Variants in MMAA observed in about 807,000 individuals in gnomAD.
MMAA encodes metabolism of cobalamin associated A, also known as methylmalonic aciduria type A protein, mitochondrial.
A neutral mutation model predicts 45.0 loss-of-function variants in MMAA; 41 were observed. The observed-to-expected ratio is 0.91, with a 90% CI of 0.71 to 1.18. The LOEUF is 1.18. Among genes scored for constraint, MMAA ranks in the 50% most tolerant of loss-of-function variants. The pLI is 0.00. For missense variants in MMAA, 460 were observed against 495.7 expected (o/e 0.93, Z 0.68); for synonymous variants, 154 against 178.2 (o/e 0.86, Z 1.08).
intron 2 of MMAA, among the ~76,000 whole-genome samples, chr4:145,640,459 A>G (rs1727752388): frequency 6.6e-6 from 1 of 152,086 alleles, no homozygotes; most frequent in Non-Finnish European, 1.5e-5. Context: ...AGTGGTGATC[A>G]TAGCTCTGAC....
chr4:145,658,468 G>C lies in MMAA; in HGVS notation c.*3034G>C, dbSNP rs1251413683. 9.2e-5 allele frequency: 14 copies of C among 152,172 alleles called. No individual in the cohort carries two copies. The highest frequency in any genetic ancestry group is 2.9e-4 in the African/African-American group (12 of 41,524). The allele number at this position is 152,172 out of a possible 1,614,324, so 9.4% of individuals were successfully genotyped here. A position where few individuals can be genotyped will look rare whatever the true frequency, so the allele number is the denominator to read the frequency against. ...AATGTGCTGAGCTCCAAAACTGACA[G>C]ACATTTTGCTAAAACAATATCAAAT... On this transcript the variant is annotated 3_prime_UTR_variant, in exon 7 of 7. Transcript: ENST00000649156.
intron 5 of MMAA, among the ~76,000 whole-genome samples, chr4:145,652,594 G>A (rs1728124751): frequency 1.3e-5 from 2 of 152,020 alleles, no homozygotes; most frequent in African/African-American, 4.8e-5. Context: ...GCCGGGCATG[G>A]TGGCAGGCGC....
intron 1 of MMAA, chr4:145,625,084 A>G (rs1338673830): frequency 2.1e-6 from 2 of 974,778 alleles, no homozygotes; most frequent in Admixed American, 1.8e-5. Context: ...TCCCCAGCTT[A>G]TGGGATTCCT....
intron 4 of MMAA, among the ~76,000 whole-genome samples, chr4:145,650,055 C>T (rs1197769541): frequency 6.6e-6 from 1 of 152,196 alleles, no homozygotes; most frequent in Non-Finnish European, 1.5e-5. Context: ...CATAAATTAC[C>T]TTTTTCCAGA....
At chr4:145,634,549 C>T (rs1050977560) in intron 1 of MMAA, among the ~76,000 whole-genome samples, 3 of 151,942 alleles carry the variant, frequency 2.0e-5, no homozygotes, top group Non-Finnish European at 4.4e-5. Context: ...ATTTGTTTCT[C>T]TACCCCACTG....
chr4:145,654,732 A>T (rs1280918115), intron 6 of MMAA, among the ~76,000 whole-genome samples: 1 of 152,140 alleles, frequency 6.6e-6, no homozygotes, highest in Non-Finnish European at 1.5e-5. Flanking sequence ...CAGCTCTTCC[A>T]CTTGCTAAAT....
intron 1 of MMAA, among the ~76,000 whole-genome samples, chr4:145,623,737 A>G (rs1734136378): frequency 2.0e-5 from 3 of 152,238 alleles, no homozygotes; most frequent in African/African-American, 7.2e-5. Context: ...CTATAGGGCA[A>G]TTAAACGTTA....
chr4:145,620,342 T>C (rs188884882), intron 1 of MMAA, among the ~76,000 whole-genome samples: 13 of 152,306 alleles, frequency 8.5e-5, no homozygotes, highest in African/African-American at 2.6e-4. Flanking sequence ...CCATTTGAGA[T>C]ATTTGAAGAT....
At position 145,658,317 on chromosome 4, in the gene MMAA, G is replaced by T. The variant is rs758996405; in HGVS notation, c.*2883G>T. ...GACAATAAATGGTAGTTATCTCTTA[G>T]AACTGTTATGAGGATTAAACGAGTT... is the stretch of plus-strand genomic sequence containing the variant. On this transcript the variant is annotated 3_prime_UTR_variant, in exon 7 of 7. Coordinates refer to ENST00000649156, the MANE Select transcript of MMAA (RefSeq NM_172250.3). The T allele has an allele frequency of 2.0e-5, 3 of 152,180 alleles. No homozygotes were observed. Among genetic ancestry groups the T allele is most frequent in the Middle Eastern group, 3.4e-3 (1 of 294 alleles). The allele number at this position is 152,180 out of a possible 1,614,324, so 9.4% of individuals were successfully genotyped here.
chr4:145,624,252 A>G (rs879078373), intron 1 of MMAA: 11 of 803,138 alleles, frequency 1.4e-5, no homozygotes, highest in South Asian at 1.1e-4. Flanking sequence ...GGAGGCCATA[A>G]TGGTCTGGGG....
intron 1 of MMAA, among the ~76,000 whole-genome samples, chr4:145,627,883 A>G (rs905196629): frequency 7.2e-5 from 11 of 152,212 alleles, no homozygotes; most frequent in African/African-American, 2.7e-4. Flanking sequence ...CAAATTTAAC[A>G]TGATTCTGAT....
At chr4:145,623,315 A>G (rs1734127161) in intron 1 of MMAA, among the ~76,000 whole-genome samples, 1 of 152,206 alleles carries the variant, frequency 6.6e-6, no homozygotes, top group Non-Finnish European at 1.5e-5. Context: ...CAAGTACTAT[A>G]CTACATTTCC....
intron 1 of MMAA, among the ~76,000 whole-genome samples, chr4:145,626,763 G>T (rs1214583954): frequency 6.6e-6 from 1 of 152,126 alleles, no homozygotes; most frequent in Non-Finnish European, 1.5e-5. Context: ...TAGGATTGTT[G>T]TGAGGATTAG....
chr4:145,636,922 C>G (rs975327341), intron 1 of MMAA, among the ~76,000 whole-genome samples: 1 of 152,206 alleles, frequency 6.6e-6, no homozygotes, highest in Non-Finnish European at 1.5e-5. Context: ...ATCCTAATCC[C>G]TGGAACCTGT....
Position 145,654,087 on chromosome 4 carries a change from G to A in MMAA, c.913G>A (p.Glu305Lys). 1 of 1,614,164 alleles carries A rather than the reference G, an allele frequency of 6.2e-7. No homozygotes were observed. The highest frequency in any genetic ancestry group is 8.5e-7 in the Non-Finnish European group (1 of 1,180,024). Residue 305 changes from glutamate (E) to lysine (K), a missense_variant, in exon 6 of 7, where the codon GAA (glutamate) becomes AAA (lysine). Coordinates refer to ENST00000649156, the MANE Select transcript of MMAA (RefSeq NM_172250.3). ...LIVPARRIQAEYVSALKLLRK... is the reference protein window; with the variant it reads ...LIVPARRIQAKYVSALKLLRK... Reference sequence around the variant, plus strand: ...TGTGCCAGCTCGAAGGATACAAGCGGAATATGTGAGTGCACTGAAATTACT... The same window carrying A: ...TGTGCCAGCTCGAAGGATACAAGCGAAATATGTGAGTGCACTGAAATTACT...
At chr4:145,621,541 C>G (rs993456890) in intron 1 of MMAA, among the ~76,000 whole-genome samples, 1 of 152,092 alleles carries the variant, frequency 6.6e-6, no homozygotes, top group Non-Finnish European at 1.5e-5. Context: ...TCCTGCTCTA[C>G]AAAAGTTTCC....
chr4:145,639,665 A>G, intron 2 of MMAA, 87 bp downstream of exon 2: 1 of 1,491,142 alleles, frequency 6.7e-7, no homozygotes, highest in Non-Finnish European at 8.9e-7. Context: ...AATAGTTTGC[A>G]ATCGAATGGC....
chr4:145,624,025 A>C (rs942719152), intron 1 of MMAA: 15 of 744,592 alleles, frequency 2.0e-5, no homozygotes, highest in African/African-American at 1.9e-4. Context: ...TCACTTTACT[A>C]GTTCAAAATT....
At chr4:145,633,480 G>A (rs1659762558) in intron 1 of MMAA, among the ~76,000 whole-genome samples, 1 of 152,092 alleles carries the variant, frequency 6.6e-6, no homozygotes, top group Non-Finnish European at 1.5e-5. Context: ...TTACATATGT[G>A]AGCTACCACA....
Sources: gnomAD v4.1 joint callset for allele counts (sites outside exome capture counted in the v4.1 genomes callset) on GRCh38, gnomAD v4.1.1 for gene constraint, MANE v1.5 for transcripts, NCBI Gene and HGNC (gene_info 2026-07-23, HGNC 2026-07-21) for gene names.